SOX6: variants seen among roughly 807,000 people sequenced by gnomAD.
SOX6 encodes the protein SRY-box transcription factor 6, also known as transcription factor SOX-6.
In SOX6, 11 loss-of-function variants were observed where a neutral mutation model predicts 97.8. The ratio of observed to expected loss-of-function variants is 0.11; its 90% CI spans 0.07 to 0.19. SOX6 has a LOEUF of 0.19. Ranked by LOEUF, SOX6 falls within the 10% of genes least tolerant of loss-of-function variation. The pLI is 1.00. For synonymous variants in SOX6, 360 were observed against 371.4 expected, an observed-to-expected ratio of 0.97 and a Z score of 0.35; for missense variants, 810 against 1,039.5, an observed-to-expected ratio of 0.78 and a Z score of 3.04.
intron 12 of SOX6, among the ~76,000 whole-genome samples, chr11:16,030,381 T>TAAAAATTCATTGTCTATTGTTCTAA (rs1855336097): frequency 6.6e-6 from 1 of 152,198 alleles, no homozygotes. Flanking sequence ...TACAAAATTC[T>TAAAAATTCATTGTCTATTGTTCTAA]AAAAATTCAT....
chr11:16,375,887 A>T (rs1371147414), intron 1 of SOX6, among the ~76,000 whole-genome samples: 2 of 152,168 alleles, frequency 1.3e-5, no homozygotes, highest in Non-Finnish European at 2.9e-5. Flanking sequence ...TTGAAAGAAC[A>T]TGGATGAAGC....
chr11:16,059,186 T>A (rs1054196361), intron 9 of SOX6, among the ~76,000 whole-genome samples: 3 of 152,090 alleles, frequency 2.0e-5, no homozygotes, highest in Non-Finnish European at 4.4e-5. Flanking sequence ...ACACCTATAA[T>A]CCTTAACCAT....
At chr11:16,454,787 A>G (rs1416059739) in intron 1 of SOX6, among the ~76,000 whole-genome samples, 2 of 152,134 alleles carry the variant, frequency 1.3e-5, no homozygotes, top group African/African-American at 4.8e-5. Context: ...GCCATTTATT[A>G]CTACCATAGC....
chr11:16,544,801 G>T (rs1386961356), intron 4 of SOX6, among the ~76,000 whole-genome samples: 1 of 151,778 alleles, frequency 6.6e-6, no homozygotes. Context: ...AATAAAAACA[G>T]ACCCAGAAAT....
intron 4 of SOX6, among the ~76,000 whole-genome samples, chr11:16,221,175 G>A (rs1178947485): frequency 6.6e-6 from 1 of 152,040 alleles, no homozygotes; most frequent in Non-Finnish European, 1.5e-5. Flanking sequence ...TTATTTGCAT[G>A]TTACAGTGAT....
intron 4 of SOX6, among the ~76,000 whole-genome samples, chr11:16,224,199 C>T (rs917210065): frequency 6.6e-6 from 1 of 151,922 alleles, no homozygotes. Context: ...TAATAATTAA[C>T]TACAAACAAT....
At chr11:16,263,214 C>T (rs868767284) in intron 3 of SOX6, among the ~76,000 whole-genome samples, 21 of 151,782 alleles carry the variant, frequency 1.4e-4, no homozygotes, top group Non-Finnish European at 2.4e-4. Flanking sequence ...GACTCCAATG[C>T]GAGTTGAAAT....
At chr11:16,172,699 A>G (rs1851070739) in intron 6 of SOX6, among the ~76,000 whole-genome samples, 1 of 151,990 alleles carries the variant, frequency 6.6e-6, no homozygotes, top group African/African-American at 2.4e-5. Context: ...CAGAGGCCAG[A>G]GTTGCAAGGA....
chr11:16,194,993 G>A (rs1270173689), intron 4 of SOX6, among the ~76,000 whole-genome samples: 1 of 152,130 alleles, frequency 6.6e-6, no homozygotes, highest in Non-Finnish European at 1.5e-5. Flanking sequence ...GTAATTTCTG[G>A]CCTTTCAGAA....
At chr11:16,147,447 CA>C (rs1406431518) in intron 6 of SOX6, among the ~76,000 whole-genome samples, 1 of 152,000 alleles carries the variant, frequency 6.6e-6, no homozygotes, top group Non-Finnish European at 1.5e-5. Context: ...CACATGTATA[CA>C]TATGTAACAA....
At chr11:16,553,474 G>T (rs1847712562) in intron 4 of SOX6, among the ~76,000 whole-genome samples, 1 of 152,162 alleles carries the variant, frequency 6.6e-6, no homozygotes, top group Non-Finnish European at 1.5e-5. Context: ...CAAGGTTGTT[G>T]CCATAGCACT....
chr11:16,372,269 T>C (rs1370918064), intron 1 of SOX6, among the ~76,000 whole-genome samples: 1 of 152,098 alleles, frequency 6.6e-6, no homozygotes, highest in Non-Finnish European at 1.5e-5. Flanking sequence ...AGCAAGTTAT[T>C]CAATTCTGCA....
At chr11:16,328,142 T>C (rs770665572) in intron 2 of SOX6, among the ~76,000 whole-genome samples, 7 of 152,162 alleles carry the variant, frequency 4.6e-5, no homozygotes, top group Admixed American at 6.6e-5. Flanking sequence ...CGACACTCAA[T>C]CTACAACAAA....
intron 2 of SOX6, among the ~76,000 whole-genome samples, chr11:16,721,528 C>G (rs2134053940): frequency 1.4e-5 from 1 of 70,374 alleles, no homozygotes; most frequent in African/African-American, 6.0e-5. Context: ...CTCTCTCTCT[C>G]TCTCTCTCTC....
At chr11:16,283,822 A>C in intron 3 of SOX6, 1 of 355,694 alleles carries the variant, frequency 2.8e-6, no homozygotes, top group Non-Finnish European at 5.4e-6. Flanking sequence ...AATTTCAGTT[A>C]CTTTTTAAAA....
intron 2 of SOX6, among the ~76,000 whole-genome samples, chr11:16,332,658 T>C (rs927910120): frequency 3.9e-5 from 6 of 152,172 alleles, no homozygotes; most frequent in African/African-American, 1.4e-4. Flanking sequence ...TAAAATTTTA[T>C]TAGCAAAGGT....
At chr11:15,983,415 A>G (rs1853731264) in intron 15 of SOX6, among the ~76,000 whole-genome samples, 1 of 152,116 alleles carries the variant, frequency 6.6e-6, no homozygotes, top group African/African-American at 2.4e-5. Flanking sequence ...AAATGCATGA[A>G]AATGTTGAGC....
intron 2 of SOX6, among the ~76,000 whole-genome samples, chr11:16,715,168 A>G (rs1200581664): frequency 2.0e-5 from 3 of 152,184 alleles, no homozygotes; most frequent in African/African-American, 7.2e-5. Context: ...TAGAAATATG[A>G]CTAGCCTTAA....
chr11:16,013,938 C>T (rs1206405565), intron 13 of SOX6, among the ~76,000 whole-genome samples: 1 of 151,958 alleles, frequency 6.6e-6, no homozygotes, highest in Non-Finnish European at 1.5e-5. Context: ...CTGGAAGAAA[C>T]CCTGCCAGTT....
Sources: gnomAD v4.1 joint callset for allele counts (sites outside exome capture counted in the v4.1 genomes callset) on GRCh38, gnomAD v4.1.1 for gene constraint, MANE v1.5 for transcripts, NCBI Gene and HGNC (gene_info 2026-07-23, HGNC 2026-07-21) for gene names.